Variants in NEO1 observed in about 807,000 individuals in gnomAD.
The protein encoded by NEO1 is neogenin 1, also known as neogenin.
Under a neutral mutation model 159.7 loss-of-function variants are expected in NEO1, and 63 were observed. The observed-to-expected ratio is 0.39, with a 90% CI of 0.32 to 0.49. The LOEUF is 0.49. Ranked by LOEUF, NEO1 falls within the 20% of genes least tolerant of loss-of-function variation. NEO1 has a pLI of 0.85. For missense variants in NEO1, 1,615 were observed against 1,831.0 expected (o/e 0.88, Z 2.15); for synonymous variants, 633 against 662.0 (o/e 0.96, Z 0.67).
chr15:73,087,809 T>C (rs1403493527), intron 1 of NEO1, among the ~76,000 whole-genome samples: 1 of 152,148 alleles, frequency 6.6e-6, no homozygotes, highest in Non-Finnish European at 1.5e-5. Context: ...TAAATGTGGG[T>C]ATATATTTAA....
intron 5 of NEO1, among the ~76,000 whole-genome samples, chr15:73,158,332 A>G (rs1213018267): frequency 6.8e-6 from 1 of 146,552 alleles, no homozygotes; most frequent in Admixed American, 7.2e-5. Flanking sequence ...TTACAGATTC[A>G]TTTCAAAAGA....
chr15:73,148,936 C>T (rs1263826886), intron 5 of NEO1, among the ~76,000 whole-genome samples: 1 of 151,252 alleles, frequency 6.6e-6, no homozygotes, highest in Admixed American at 6.6e-5. Context: ...TGGAACTACT[C>T]AGATGGAAGC....
chr15:73,062,146 G>T (rs2068009547), intron 1 of NEO1, among the ~76,000 whole-genome samples: 1 of 152,166 alleles, frequency 6.6e-6, no homozygotes, highest in Non-Finnish European at 1.5e-5. Flanking sequence ...AAATGAGAGT[G>T]TCTGTTTCCA....
chr15:73,108,002 T>TGA (rs1424516463), intron 1 of NEO1, among the ~76,000 whole-genome samples: 2 of 152,126 alleles, frequency 1.3e-5, no homozygotes, highest in Non-Finnish European at 2.9e-5. Context: ...GGCAACATAG[T>TGA]GAGGCCCGGT....
intron 4 of NEO1, among the ~76,000 whole-genome samples, chr15:73,135,586 A>G (rs2031660641): frequency 6.6e-6 from 1 of 152,232 alleles, no homozygotes; most frequent in Admixed American, 6.5e-5. Flanking sequence ...ATAGGGAGAC[A>G]GGGATGGGCT....
chr15:73,255,813 G>A (rs975064512), intron 13 of NEO1: 2 of 152,284 alleles, frequency 1.3e-5, no homozygotes, highest in East Asian at 3.9e-4. Context: ...CATCGGCTTA[G>A]TTTTGTCACT....
At chr15:73,090,446 G>A (rs2069625788) in intron 1 of NEO1, among the ~76,000 whole-genome samples, 1 of 152,136 alleles carries the variant, frequency 6.6e-6, no homozygotes, top group Admixed American at 6.5e-5. Context: ...ATGTCTGGAA[G>A]GATTCATACT....
chr15:73,086,241 G>A (rs1011843083), intron 1 of NEO1, among the ~76,000 whole-genome samples: 1 of 152,136 alleles, frequency 6.6e-6, no homozygotes, highest in Non-Finnish European at 1.5e-5. Flanking sequence ...GACCATAGTT[G>A]TGTGGGTCTA....
chr15:73,216,169 G>A (rs2037870835), intron 7 of NEO1, among the ~76,000 whole-genome samples: 1 of 150,396 alleles, frequency 6.6e-6, no homozygotes, highest in African/African-American at 2.5e-5. Context: ...ACCTATGAGT[G>A]AGAATATGCA....
chr15:73,113,549 C>T (rs942592103), intron 1 of NEO1, among the ~76,000 whole-genome samples: 28 of 152,122 alleles, frequency 1.8e-4, no homozygotes, highest in Admixed American at 1.7e-3. Context: ...GGACATTATG[C>T]GAACTTCTAG....
rs367684014 is a variant in NEO1, at chr15:73,236,359, C to T, written c.1304C>T (p.Thr435Met). 3.0e-5 allele frequency: 49 copies of T among 1,614,206 alleles called. No individual in the cohort carries two copies. The highest frequency in any genetic ancestry group is 1.5e-4 in the Admixed American group (9 of 60,026). ...ACTGACCATCTAGCACCAGCCACAACGGGACCACTGCCTTCAGCTCCTCGG... is the reference window on the plus strand; with the variant it reads ...ACTGACCATCTAGCACCAGCCACAATGGGACCACTGCCTTCAGCTCCTCGG... Reference protein sequence around the residue: ...LIILEHAPATTGPLPSAPRDV... With the variant: ...LIILEHAPATMGPLPSAPRDV... Residue 435 changes from threonine (T) to methionine (M), a missense_variant, in exon 8 of 29, where the codon ACG becomes ATG. Physicochemically the swap from Thr to Met is moderately conservative, Grantham distance 81 (BLOSUM62 -1). Around this residue, in one of 3 missense-constraint regions of NEO1, gnomAD observed 1,018 missense variants for 1,115.4 expected, o/e 0.91. Coordinates refer to ENST00000261908, the MANE Select transcript of NEO1 (RefSeq NM_002499.4).
At chr15:73,250,094 A>G (rs1457013041) in intron 11 of NEO1, among the ~76,000 whole-genome samples, 1 of 152,136 alleles carries the variant, frequency 6.6e-6, no homozygotes, top group Non-Finnish European at 1.5e-5. Flanking sequence ...TGATATTTGC[A>G]TGCCAAATTA....
intron 1 of NEO1, among the ~76,000 whole-genome samples, chr15:73,111,760 A>G (rs577583857): frequency 3.3e-5 from 5 of 152,126 alleles, no homozygotes; most frequent in Non-Finnish European, 7.4e-5. Flanking sequence ...AGCTGGGACT[A>G]CTGGTACAGG....
chr15:73,059,701 G>T (rs1308524964), intron 1 of NEO1, among the ~76,000 whole-genome samples: 1 of 152,166 alleles, frequency 6.6e-6, no homozygotes, highest in Non-Finnish European at 1.5e-5. Flanking sequence ...AAGGAATAGT[G>T]CTGCTTTCCC....
Position 73,258,876 on chromosome 15 carries a change from G to C in NEO1, c.2203G>C (p.Glu735Gln). 6.2e-7 allele frequency: 1 copy of C among 1,612,308 alleles called. No homozygotes were observed. The highest frequency in any genetic ancestry group is 8.5e-7 in the Non-Finnish European group (1 of 1,178,552). Residue 735 changes from glutamate (E) to glutamine (Q), a missense_variant and splice_region_variant, in exon 14 of 29, where the codon GAA (glutamate) becomes CAA (glutamine). Glu to Gln is a conservative substitution (Grantham distance 29, BLOSUM62 2). Around this residue, in one of 3 missense-constraint regions of NEO1, gnomAD observed 1,018 missense variants for 1,115.4 expected, o/e 0.91. Transcript: ENST00000261908. ...TGAAACTTTTGAAAGTGACCTAGAT[G>C]GTAAGAATAACAATTGGCAAGACTG... ...SAETFESDLD[E>Q]TRVPEVPSSL...
At chr15:73,192,790 G>A (rs189079138) in intron 7 of NEO1, among the ~76,000 whole-genome samples, 255 of 152,052 alleles carry the variant, frequency 1.7e-3, no homozygotes, top group African/African-American at 6.0e-3. Flanking sequence ...CCTTGTATGT[G>A]TAAGAAAGTT....
At chr15:73,245,152 GA>G (rs1178756730) in intron 9 of NEO1, among the ~76,000 whole-genome samples, 1 of 151,932 alleles carries the variant, frequency 6.6e-6, no homozygotes, top group Admixed American at 6.6e-5. Flanking sequence ...CTTCAGTTAT[GA>G]TTATGAACTT....
At chr15:73,191,663 A>G (rs2036243829) in intron 7 of NEO1, among the ~76,000 whole-genome samples, 1 of 152,040 alleles carries the variant, frequency 6.6e-6, no homozygotes, top group African/African-American at 2.4e-5. Context: ...AAATCCATAT[A>G]ATATTCAGTT....
rs538658663 is a variant in NEO1, at chr15:73,131,541, A to G, written c.879-4350A>G. Among the ~76,000 whole-genome samples the G allele has an allele frequency of 2.0e-5, 3 of 152,238 alleles. No homozygotes were observed. In the East Asian group the frequency reaches 5.8e-4, roughly 29 times the overall value. On this transcript the variant is annotated intron_variant, in intron 4 of 28. Coordinates refer to ENST00000261908, the MANE Select transcript of NEO1 (RefSeq NM_002499.4). ...GTATCTGCAAGATTTTACCTTCTAC[A>G]TGTCTTTGGAATCCATCCATGAAGG...
Sources: gnomAD v4.1 joint callset for allele counts (sites outside exome capture counted in the v4.1 genomes callset) on GRCh38, gnomAD v4.1.1 for gene constraint, gnomAD v4.1.1 regional missense constraint, MANE v1.5 for transcripts, NCBI Gene and HGNC (gene_info 2026-07-23, HGNC 2026-07-21) for gene names.